The following POLA1 variants were observed in gnomAD, a reference collection of about 807,000 sequenced individuals.
POLA1 encodes DNA polymerase alpha 1, catalytic subunit.
Under a neutral mutation model 124.0 loss-of-function variants are expected in POLA1, and 15 were observed. That is an observed-to-expected ratio of 0.12 (90% confidence interval 0.08 to 0.19). The LOEUF is 0.19. POLA1 is among the 10% of genes least tolerant of loss of function. The probability of loss-of-function intolerance (pLI) is 1.00; values close to 1 mark genes in which losing one functional copy is unlikely to be tolerated. For synonymous variants in POLA1, 408 were observed against 389.4 expected (o/e 1.05, Z -0.56); for missense variants, 886 against 1,103.4 (o/e 0.80, Z 2.79).
intron 21 of POLA1, 120 bp from the exon 22 acceptor site, chrX:24,741,882 A>AT: frequency 2.0e-6 from 1 of 506,547 alleles, no homozygotes; most frequent in East Asian, 3.9e-5. Context: ...TTAAAAAAAA[A>AT]GCAGACCGTT....
intron 35 of POLA1, among the ~76,000 whole-genome samples, chrX:24,905,562 C>G (rs1330991421): frequency 2.1e-4 from 19 of 89,209 alleles, no homozygotes; most frequent in African/African-American, 3.7e-4. Context: ...ACCCCCCCCC[C>G]CTTTTTTTTT....
chrX:24,714,777 C>T, intron 5 of POLA1, 108 bp downstream of exon 5: 2 of 456,556 alleles, frequency 4.4e-6, no homozygotes, highest in Non-Finnish European at 7.4e-6. Flanking sequence ...AACATTTTTC[C>T]AATTTCACTC....
At chrX:24,849,232 A>G (rs55825699) in intron 34 of POLA1, among the ~76,000 whole-genome samples, 359 of 112,914 alleles carry the variant, frequency 3.2e-3, no homozygotes, top group Non-Finnish European at 5.1e-3. Context: ...TATCCATCCC[A>G]CCCATTCAAC....
chrX:24,702,557 C>T (rs1928526930), intron 2 of POLA1, among the ~76,000 whole-genome samples: 1 of 111,947 alleles, frequency 8.9e-6, no homozygotes, highest in Non-Finnish European at 1.9e-5. Flanking sequence ...GACCCTCTTG[C>T]AGTCAGGCAG....
At chrX:24,735,513 T>G (rs1315232102) in intron 18 of POLA1, 25 bp downstream of exon 18, 1 of 887,925 alleles carries the variant, frequency 1.1e-6, no homozygotes, top group East Asian at 3.1e-5. Context: ...GATCATGTTG[T>G]GGGGAAGCTC....
At chrX:24,761,418 AGAC>A (rs1433292673) in intron 26 of POLA1, among the ~76,000 whole-genome samples, 1 of 111,490 alleles carries the variant, frequency 9.0e-6, no homozygotes, top group East Asian at 2.8e-4. Context: ...ACTTAACCAC[AGAC>A]GACATTTTCA....
chrX:24,855,329 C>T (rs945469747), intron 34 of POLA1, among the ~76,000 whole-genome samples: 3 of 111,645 alleles, frequency 2.7e-5, no homozygotes, highest in Non-Finnish European at 3.8e-5. Flanking sequence ...GTTTACAGTT[C>T]TGTGAGTGTT....
chrX:24,965,325 T>C (rs1230329894), intron 36 of POLA1, among the ~76,000 whole-genome samples: 1 of 112,466 alleles, frequency 8.9e-6, no homozygotes. Context: ...TTCTTCAAAC[T>C]CTTCTGTCTC....
chrX:24,973,256 G>A (rs754720413), intron 36 of POLA1, among the ~76,000 whole-genome samples: 256 of 111,448 alleles, frequency 2.3e-3, no homozygotes, highest in Middle Eastern at 4.7e-3. Context: ...TACTACTTGG[G>A]AGGCTGAGGC....
chrX:24,699,464 G>A lies in POLA1; in HGVS notation c.83G>A (p.Arg28Gln), dbSNP rs776272149. The change falls in exon 2 of 37, where the codon CGG (arginine) becomes CAG (glutamine). Residue 28 changes from arginine (R) to glutamine (Q), a missense_variant. Around this residue, in one of 7 missense-constraint regions of POLA1, gnomAD observed 49 missense variants for 39.2 expected, o/e 1.25. Transcript: ENST00000379068. Reference protein sequence around the residue: ...DSGSFVSSRARREKKSKKGRQ... With the variant: ...DSGSFVSSRAQREKKSKKGRQ... Reference sequence around the variant, plus strand: ...GGGAGTTTTGTATCTTCTCGAGCCCGGCGAGAAAAAAAATCAAAGAAGGGG... The same window carrying A: ...GGGAGTTTTGTATCTTCTCGAGCCCAGCGAGAAAAAAAATCAAAGAAGGGG... The A allele has an allele frequency of 4.7e-5, 56 of 1,179,199 alleles. No homozygotes were observed. Among genetic ancestry groups the A allele is most frequent in the African/African-American group, 2.7e-4 (15 of 56,003 alleles).
At chrX:24,814,956 T>G in intron 29 of POLA1, 23 bp from the exon 30 acceptor site, 2 of 1,096,417 alleles carry the variant, frequency 1.8e-6, no homozygotes, top group Non-Finnish European at 2.4e-6. Flanking sequence ...GTCTTTGTTT[T>G]GTTTTTTTTT....
At chrX:24,719,185 C>A (rs1161653345) in intron 10 of POLA1, among the ~76,000 whole-genome samples, 1 of 110,270 alleles carries the variant, frequency 9.1e-6, no homozygotes, top group East Asian at 2.8e-4. Flanking sequence ...AGAGGGAGTA[C>A]CTAGATGTCA....
chrX:24,947,875 T>G (rs1318551220), intron 36 of POLA1, among the ~76,000 whole-genome samples: 1 of 112,140 alleles, frequency 8.9e-6, no homozygotes, highest in East Asian at 2.8e-4. Context: ...GATACCTGTC[T>G]TGAGTGTAAC....
At chrX:24,791,663 C>G (rs1490783271) in intron 26 of POLA1, among the ~76,000 whole-genome samples, 1 of 112,367 alleles carries the variant, frequency 8.9e-6, no homozygotes, top group Non-Finnish European at 1.9e-5. Context: ...GGATTACAGG[C>G]GTGAGCCACC....
intron 36 of POLA1, among the ~76,000 whole-genome samples, chrX:24,950,687 G>A (rs965443742): frequency 5.4e-5 from 6 of 111,981 alleles, no homozygotes; most frequent in Non-Finnish European, 9.4e-5. Flanking sequence ...AGGGGACCCA[G>A]TATTAAAGTT....
intron 4 of POLA1, among the ~76,000 whole-genome samples, chrX:24,710,665 T>G (rs1030409294): frequency 2.6e-5 from 2 of 77,944 alleles, no homozygotes; most frequent in African/African-American, 7.6e-5. Flanking sequence ...TATGTTGTGG[T>G]TTTTTTTTTT....
At chrX:24,939,544 C>T (rs2047888931) in intron 36 of POLA1, among the ~76,000 whole-genome samples, 1 of 111,174 alleles carries the variant, frequency 9.0e-6, no homozygotes, top group Non-Finnish European at 1.9e-5. Context: ...GTGTAATTAT[C>T]TAGTAAAAAC....
Position 24,841,858 on chromosome X carries a change from G to A in POLA1, c.3915+28G>A, listed in dbSNP as rs1314316484. 4 of 1,112,305 alleles carry A rather than the reference G, an allele frequency of 3.6e-6. No homozygotes were observed. In the East Asian group the frequency reaches 1.2e-4, roughly 34 times the overall value. 91.7% of individuals were successfully genotyped at this position (1,112,305 alleles called of 1,213,427 possible). ...TAGTTGTTTCTGTCTTTCATTTTGT[G>A]AGTGAACTTGTATAAAGGCCTTACC... On this transcript the variant is annotated intron_variant, in intron 33 of 36. Transcript: ENST00000379068.
chrX:24,815,246 C>A, intron 30 of POLA1, 135 bp downstream of exon 30: 1 of 569,834 alleles, frequency 1.8e-6, no homozygotes, highest in Non-Finnish European at 2.7e-6. Context: ...ACAACTATCT[C>A]ACAGATTGAG....
Sources: gnomAD v4.1 joint callset for allele counts (sites outside exome capture counted in the v4.1 genomes callset) on GRCh38, gnomAD v4.1.1 for gene constraint, gnomAD v4.1.1 regional missense constraint, MANE v1.5 for transcripts, NCBI Gene and HGNC (gene_info 2026-07-23, HGNC 2026-07-21) for gene names.